GNA14: variants seen among roughly 807,000 people sequenced by gnomAD.
GNA14 encodes the protein G protein subunit alpha 14, also known as guanine nucleotide-binding protein subunit alpha-14.
A neutral mutation model predicts 42.0 loss-of-function variants in GNA14; 50 were observed. The observed-to-expected ratio is 1.19, with a 90% CI of 0.95 to 1.51. The LOEUF (loss-of-function observed/expected upper bound fraction) is 1.51. Among genes scored for constraint, GNA14 ranks in the 40% most tolerant of loss-of-function variants. The pLI is 0.00. For synonymous variants in GNA14, 173 were observed against 163.1 expected (o/e 1.06, Z -0.46); for missense variants, 473 against 446.2 (o/e 1.06, Z -0.54).
chr9:77,485,065 G>T (rs929093866), intron 2 of GNA14, among the ~76,000 whole-genome samples: 1 of 152,238 alleles, frequency 6.6e-6, no homozygotes, highest in African/African-American at 2.4e-5. Context: ...GAAGTTTGCC[G>T]CATTGATTGA....
At chr9:77,435,185 C>T (rs1349173965) in intron 2 of GNA14, among the ~76,000 whole-genome samples, 2 of 151,878 alleles carry the variant, frequency 1.3e-5, no homozygotes, top group East Asian at 1.9e-4. Flanking sequence ...GGTGAAACCC[C>T]ATCTCTACTA....
intron 2 of GNA14, among the ~76,000 whole-genome samples, chr9:77,482,688 A>C (rs1181433069): frequency 6.6e-6 from 1 of 152,210 alleles, no homozygotes. Context: ...ACTTTCAGGT[A>C]CACCAATCAG....
chr9:77,454,028 C>T (rs1835958172), intron 2 of GNA14, among the ~76,000 whole-genome samples: 2 of 152,216 alleles, frequency 1.3e-5, no homozygotes, highest in Admixed American at 6.5e-5. Flanking sequence ...TTCTCATTTG[C>T]ACAGGCACAA....
chr9:77,633,238 A>C (rs1221321511), intron 1 of GNA14, among the ~76,000 whole-genome samples: 2 of 152,192 alleles, frequency 1.3e-5, no homozygotes, highest in African/African-American at 4.8e-5. Context: ...CTGGGGTGTC[A>C]GCAAAGGCTT....
chr9:77,620,523 T>C (rs1185304928), intron 1 of GNA14, among the ~76,000 whole-genome samples: 2 of 152,182 alleles, frequency 1.3e-5, no homozygotes. Flanking sequence ...ATAATTAACA[T>C]ATTAAGTTTT....
chr9:77,492,184 A>G (rs55844181), intron 2 of GNA14, among the ~76,000 whole-genome samples: 2,409 of 152,240 alleles, frequency 0.016, 58 homozygotes, highest in African/African-American at 0.055. Context: ...ATCTATAGCA[A>G]TAAATGACTA....
chr9:77,497,054 CTG>C (rs1836882748), intron 2 of GNA14, among the ~76,000 whole-genome samples: 1 of 152,144 alleles, frequency 6.6e-6, no homozygotes, highest in African/African-American at 2.4e-5. Context: ...ACTTGTTTTT[CTG>C]ATTTGGAATC....
intron 1 of GNA14, among the ~76,000 whole-genome samples, chr9:77,610,220 C>A (rs996852009): frequency 6.6e-6 from 1 of 152,154 alleles, no homozygotes; most frequent in African/African-American, 2.4e-5. Context: ...TCTAAAATTA[C>A]CTACATCCCC....
At chr9:77,554,515 T>C (rs1262366096) in intron 1 of GNA14, among the ~76,000 whole-genome samples, 1 of 152,236 alleles carries the variant, frequency 6.6e-6, no homozygotes, top group African/African-American at 2.4e-5. Flanking sequence ...CTGTTTCCTC[T>C]CATTTTCAAT....
intron 1 of GNA14, among the ~76,000 whole-genome samples, chr9:77,620,538 A>G (rs1823902739): frequency 6.6e-6 from 1 of 152,174 alleles, no homozygotes; most frequent in African/African-American, 2.4e-5. Context: ...AGTTTTCCTA[A>G]TCATCCTAAT....
intron 1 of GNA14, among the ~76,000 whole-genome samples, chr9:77,644,702 GC>G (rs913031318): frequency 1.5e-5 from 2 of 136,322 alleles, no homozygotes; most frequent in African/African-American, 6.8e-5. Context: ...TCTGTTAAAT[GC>G]TCAATTCCTC....
chr9:77,617,165 C>T (rs768258118), intron 1 of GNA14, among the ~76,000 whole-genome samples: 3 of 152,028 alleles, frequency 2.0e-5, no homozygotes, highest in Non-Finnish European at 1.5e-5. Context: ...CCACTGCGCT[C>T]GGCCTCTAGC....
rs149399452 is a variant in GNA14 at position 77,599,061 on chromosome 9, A to G, written c.124+48609T>C. 1.6e-3 allele frequency among the ~76,000 whole-genome samples: 249 copies of G among 152,356 alleles called. 1 individual carries two copies. The highest frequency in any genetic ancestry group is 5.6e-3 in the African/African-American group (232 of 41,586). On this transcript the variant is annotated intron_variant, in intron 1 of 6. Coordinates refer to ENST00000341700, the MANE Select transcript of GNA14 (RefSeq NM_004297.4). ...TAAGCAATGTAAGAAATATGAAAAT[A>G]TATAAACACTCTACTACAAGCATTC... is the stretch of plus-strand genomic sequence containing the variant.
chr9:77,514,870 C>A (rs1335518055), intron 2 of GNA14, among the ~76,000 whole-genome samples: 1 of 152,150 alleles, frequency 6.6e-6, no homozygotes, highest in African/African-American at 2.4e-5. Context: ...ACCTCGGCCT[C>A]CCAAAGTGCT....
intron 2 of GNA14, among the ~76,000 whole-genome samples, chr9:77,496,719 G>A (rs1022203291): frequency 5.3e-5 from 8 of 152,128 alleles, no homozygotes; most frequent in African/African-American, 1.7e-4. Flanking sequence ...ATTTGAACTC[G>A]ACCTTAGATT....
chr9:77,487,430 T>C (rs1425499053), intron 2 of GNA14, among the ~76,000 whole-genome samples: 1 of 152,226 alleles, frequency 6.6e-6, no homozygotes, highest in Admixed American at 6.5e-5. Flanking sequence ...GAGCTTTAAC[T>C]AGTCAATTGA....
At position 77,597,476 on chromosome 9, in the gene GNA14, T is replaced by C. The variant is rs905270914; in HGVS notation, c.124+50194A>G. Among the ~76,000 whole-genome samples, 8 of 152,206 alleles carry C rather than the reference T, an allele frequency of 5.3e-5. No homozygotes were observed. In the East Asian group the frequency reaches 1.4e-3, roughly 26 times the overall value. ...CAAAACCAGACACCATGCTCAATCA[T>C]GTTGAGGAACTTGATGAACAGCTTC... On this transcript the variant is annotated intron_variant, in intron 1 of 6. Coordinates refer to ENST00000341700, the MANE Select transcript of GNA14 (RefSeq NM_004297.4).
chr9:77,574,871 C>G (rs1823106146), intron 1 of GNA14, among the ~76,000 whole-genome samples: 1 of 152,198 alleles, frequency 6.6e-6, no homozygotes, highest in African/African-American at 2.4e-5. Context: ...ACACTCTCTC[C>G]TTGGAGTCAC....
At chr9:77,435,801 G>T (rs1027347908) in intron 2 of GNA14, among the ~76,000 whole-genome samples, 2 of 152,114 alleles carry the variant, frequency 1.3e-5, no homozygotes, top group African/African-American at 4.8e-5. Flanking sequence ...CCCCGTGTTG[G>T]CCCCAGAGAC....
Sources: allele counts gnomAD v4.1 joint callset (sites outside exome capture counted in the v4.1 genomes callset), GRCh38; gene constraint gnomAD v4.1.1; transcripts MANE v1.5; gene names NCBI Gene and HGNC (gene_info 2026-07-23, HGNC 2026-07-21).